PRKAA2: variants seen among roughly 807,000 people sequenced by gnomAD.
PRKAA2 encodes the protein protein kinase AMP-activated catalytic subunit alpha 2, also known as 5'-AMP-activated protein kinase catalytic subunit alpha-2.
Under a neutral mutation model 56.3 loss-of-function variants are expected in PRKAA2, and 40 were observed. The ratio of observed to expected loss-of-function variants is 0.71; its 90% CI spans 0.55 to 0.92. PRKAA2 has a LOEUF of 0.92. Among genes scored for constraint, PRKAA2 ranks in the 40% least tolerant of loss-of-function variants. The pLI, the probability that PRKAA2 is intolerant of heterozygous loss-of-function variation, is 0.00. For synonymous variants in PRKAA2, 214 were observed against 234.2 expected (o/e 0.91, Z 0.79); for missense variants, 542 against 686.9 (o/e 0.79, Z 2.36).
chr1:56,712,704 T>C lies in PRKAA2; in HGVS notation c.*4991T>C, dbSNP rs944736088. The C allele has an allele frequency of 2.0e-5, 3 of 151,952 alleles. No homozygotes were observed. Among genetic ancestry groups the C allele is most frequent in the African/African-American group, 7.3e-5 (3 of 41,374 alleles). The allele number at this position is 151,952 out of a possible 1,614,324, so 9.4% of individuals were successfully genotyped here. On this transcript the variant is annotated 3_prime_UTR_variant, in exon 9 of 9. Coordinates refer to ENST00000371244, the MANE Select transcript of PRKAA2 (RefSeq NM_006252.4). ...TCGTCTCTACTAAAAATACCAAAAT[T>C]ATCCGGTGTGGTGACAGGCTGCTTG...
At chr1:56,648,257 GT>G (rs1186186287) in intron 1 of PRKAA2, among the ~76,000 whole-genome samples, 2 of 152,096 alleles carry the variant, frequency 1.3e-5, no homozygotes, top group Non-Finnish European at 2.9e-5. Context: ...TCACTAATCT[GT>G]TTTCTGCCTG....
chr1:56,647,080 A>G (rs1437885037), intron 1 of PRKAA2, among the ~76,000 whole-genome samples: 2 of 152,170 alleles, frequency 1.3e-5, no homozygotes, highest in African/African-American at 4.8e-5. Flanking sequence ...TATTTTTGCA[A>G]AGACCTAAAA....
rs929995257 is a variant in PRKAA2 at position 56,710,773 on chromosome 1, T to G, written c.*3060T>G. 2 of 152,098 alleles carry G rather than the reference T, an allele frequency of 1.3e-5. No individual in the cohort carries two copies. The highest frequency in any genetic ancestry group is 4.8e-5 in the African/African-American group (2 of 41,442). 9.4% of individuals were successfully genotyped at this position (152,098 alleles called of 1,614,324 possible). On this transcript the variant is annotated 3_prime_UTR_variant, in exon 9 of 9. Coordinates refer to ENST00000371244, the MANE Select transcript of PRKAA2 (RefSeq NM_006252.4). ...CTTATGCATGGGTGACTGAAAAACC[T>G]GAAACAAGATTACTTGTTAAAAAAA... is the stretch of plus-strand genomic sequence containing the variant.
chr1:56,691,544 T>A (rs1644228454), intron 3 of PRKAA2, 57 bp downstream of exon 3: 1 of 1,398,974 alleles, frequency 7.1e-7, no homozygotes, highest in Non-Finnish European at 9.9e-7. Flanking sequence ...AGGAAAGTAT[T>A]GGGACATAGA....
chr1:56,706,312 G>A, intron 8 of PRKAA2, 94 bp downstream of exon 8: 1 of 1,420,638 alleles, frequency 7.0e-7, no homozygotes, highest in Non-Finnish European at 9.5e-7. Context: ...CCGGTGGGTA[G>A]GTCCTGCACT....
In PRKAA2 at chr1:56,660,348, G is replaced by A. The variant is rs191960442; in HGVS notation, c.95-14033G>A. Among the ~76,000 whole-genome samples, 10 of 152,224 alleles carry A rather than the reference G, an allele frequency of 6.6e-5. No individual in the cohort carries two copies. The East Asian group carries it at 1.9e-3, about 29-fold the overall frequency. ...GTTCATTTTACATATTTTATTAGGG[G>A]ATTTAGAGACTCTTAAGACTTTCAG... On this transcript the variant is annotated intron_variant, in intron 1 of 8. Transcript: ENST00000371244.
intron 1 of PRKAA2, among the ~76,000 whole-genome samples, chr1:56,659,411 C>T (rs1042836119): frequency 1.3e-5 from 2 of 149,886 alleles, no homozygotes; most frequent in South Asian, 2.1e-4. Flanking sequence ...GCAGGAGAAT[C>T]GCTTGAATCT....
intron 1 of PRKAA2, among the ~76,000 whole-genome samples, chr1:56,663,850 A>C (rs1644013521): frequency 6.6e-6 from 1 of 152,192 alleles, no homozygotes; most frequent in African/African-American, 2.4e-5. Context: ...CTATAATCCC[A>C]GCACTTTAAG....
Position 56,692,494 on chromosome 1 carries a change from C to G in PRKAA2, c.467C>G (p.Ala156Gly), listed in dbSNP as rs1644234930. ...GATGCACACATGAATGCCAAGATAG[C>G]CGATTTCGGTATGTAACTCCAGGGT... is the stretch of plus-strand genomic sequence containing the variant. ...LLDAHMNAKI[A>G]DFGLSNMMSD... The change falls in exon 4 of 9, where the codon GCC becomes GGC. Residue 156 changes from alanine to glycine, a missense_variant. Coordinates refer to ENST00000371244, the MANE Select transcript of PRKAA2 (RefSeq NM_006252.4). 1.9e-6 allele frequency: 3 copies of G among 1,613,624 alleles called. No homozygotes were observed. The highest frequency in any genetic ancestry group is 2.5e-6 in the Non-Finnish European group (3 of 1,179,862).
chr1:56,689,163 A>C (rs1346945710), intron 2 of PRKAA2, among the ~76,000 whole-genome samples: 1 of 152,192 alleles, frequency 6.6e-6, no homozygotes, highest in African/African-American at 2.4e-5. Flanking sequence ...AAAGTGATTG[A>C]AAATTGTTAC....
At chr1:56,687,617 G>A (rs1644200992) in intron 2 of PRKAA2, among the ~76,000 whole-genome samples, 1 of 152,048 alleles carries the variant, frequency 6.6e-6, no homozygotes, top group Admixed American at 6.6e-5. Context: ...ATTAAAAATA[G>A]TAATTAAATA....
intron 1 of PRKAA2, among the ~76,000 whole-genome samples, chr1:56,656,102 C>A (rs1393293375): frequency 5.9e-5 from 9 of 152,094 alleles, no homozygotes; most frequent in African/African-American, 1.7e-4. Context: ...TGAAAAAATA[C>A]AATAATTGAA....
chr1:56,704,953 T>G (rs1333931899), intron 7 of PRKAA2, among the ~76,000 whole-genome samples: 1 of 152,172 alleles, frequency 6.6e-6, no homozygotes, highest in African/African-American at 2.4e-5. Flanking sequence ...TCTCTTTTAT[T>G]TGGCTAGTGC....
At chr1:56,703,099 G>A (rs1644307435) in intron 6 of PRKAA2, among the ~76,000 whole-genome samples, 1 of 152,080 alleles carries the variant, frequency 6.6e-6, no homozygotes, top group Admixed American at 6.6e-5. Context: ...AAAATGGTTT[G>A]GTATTCTAGG....
intron 6 of PRKAA2, among the ~76,000 whole-genome samples, chr1:56,698,668 T>A (rs1333224010): frequency 1.3e-5 from 2 of 152,236 alleles, no homozygotes; most frequent in Non-Finnish European, 2.9e-5. Context: ...CATATTTTAT[T>A]TATCTCTTAT....
Position 56,695,990 on chromosome 1 carries a change from C to T in PRKAA2, c.619C>T (p.Leu207Phe), listed in dbSNP as rs755752772. 2 of 1,611,542 alleles carry T rather than the reference C, an allele frequency of 1.2e-6. No individual in the cohort carries two copies. The highest frequency in any genetic ancestry group is 1.1e-5 in the South Asian group (1 of 90,888). ...IWSCGVILYA[L>F]LCGTLPFDDE... Reference sequence around the variant, plus strand: ...GAGCTGTGGTGTTATCTTGTATGCTCTTCTTTGTGGCACCCTCCCATTTGA... The same window carrying T: ...GAGCTGTGGTGTTATCTTGTATGCTTTTCTTTGTGGCACCCTCCCATTTGA... The change falls in exon 6 of 9, where the codon CTT becomes TTT. Residue 207 changes from leucine (L) to phenylalanine (F), a missense_variant. Leu to Phe is a conservative substitution (Grantham distance 22). Transcript: ENST00000371244.
At chr1:56,651,469 C>T (rs1243104143) in intron 1 of PRKAA2, among the ~76,000 whole-genome samples, 1 of 152,050 alleles carries the variant, frequency 6.6e-6, no homozygotes, top group Non-Finnish European at 1.5e-5. Flanking sequence ...AGTTCCAGTG[C>T]TATTAAGTGG....
chr1:56,686,840 C>T (rs1424225970), intron 2 of PRKAA2, among the ~76,000 whole-genome samples: 1 of 151,634 alleles, frequency 6.6e-6, no homozygotes, highest in African/African-American at 2.4e-5. Context: ...TTAATGTTCA[C>T]AGCAGCAAAT....
At chr1:56,698,640 T>G (rs1039610201) in intron 6 of PRKAA2, among the ~76,000 whole-genome samples, 6 of 152,214 alleles carry the variant, frequency 3.9e-5, no homozygotes, top group African/African-American at 1.4e-4. Context: ...TTCTGTGATA[T>G]CTATCCTTTC....
Sources: allele counts gnomAD v4.1 joint callset (sites outside exome capture counted in the v4.1 genomes callset), GRCh38; gene constraint gnomAD v4.1.1; transcripts MANE v1.5; gene names NCBI Gene and HGNC (gene_info 2026-07-23, HGNC 2026-07-21).